RPH3A: variants seen among roughly 807,000 people sequenced by gnomAD.
The protein encoded by RPH3A is rabphilin-3A.
In RPH3A, 48 loss-of-function variants were observed where a neutral mutation model predicts 102.2. The observed-to-expected ratio is 0.47, with a 90% CI of 0.37 to 0.60. RPH3A has a LOEUF of 0.60. Among genes scored for constraint, RPH3A ranks in the 20% least tolerant of loss-of-function variants. The pLI, the probability that RPH3A is intolerant of heterozygous loss-of-function variation, is 0.00. For missense variants in RPH3A, 781 were observed against 910.1 expected (o/e 0.86, Z 1.83); for synonymous variants, 310 against 324.3 (o/e 0.96, Z 0.47).
intron 1 of RPH3A, among the ~76,000 whole-genome samples, chr12:112,697,554 A>G (rs993654586): frequency 6.6e-6 from 1 of 152,212 alleles, no homozygotes; most frequent in South Asian, 2.1e-4. Flanking sequence ...ATTGATTTAC[A>G]GGCTTAATCT....
chr12:112,727,900 T>C (rs1007131880), intron 1 of RPH3A, among the ~76,000 whole-genome samples: 1 of 152,188 alleles, frequency 6.6e-6, no homozygotes, highest in African/African-American at 2.4e-5. Context: ...TCTTTTCTCC[T>C]GGGATGACGA....
chr12:112,803,694 C>T (rs187232236), intron 2 of RPH3A, among the ~76,000 whole-genome samples: 2 of 152,044 alleles, frequency 1.3e-5, no homozygotes, highest in East Asian at 1.9e-4. Flanking sequence ...GAAATTGATT[C>T]TTTAGTCTTC....
intron 1 of RPH3A, among the ~76,000 whole-genome samples, chr12:112,617,540 A>T (rs2039689992): frequency 6.6e-6 from 1 of 152,186 alleles, no homozygotes; most frequent in Non-Finnish European, 1.5e-5. Context: ...CAGAGAGAAA[A>T]AGTGAACAGC....
chr12:112,867,832 C>T (rs1041289938), intron 7 of RPH3A, among the ~76,000 whole-genome samples: 1 of 152,240 alleles, frequency 6.6e-6, no homozygotes, highest in Non-Finnish European at 1.5e-5. Flanking sequence ...ATCCCTGGTG[C>T]TCTCCTTGAC....
chr12:112,809,583 TGGGCCAGCACCATGCCAG>T (rs2041532739), intron 2 of RPH3A, among the ~76,000 whole-genome samples: 1 of 152,204 alleles, frequency 6.6e-6, no homozygotes, highest in Non-Finnish European at 1.5e-5. Flanking sequence ...GCATTTGCTA[TGGGCCAGCACCATGCCAG>T]GAGCTCTGCA....
At chr12:112,894,286 G>T (rs2043145035) in intron 19 of RPH3A, 2 of 440,992 alleles carry the variant, frequency 4.5e-6, no homozygotes, top group Admixed American at 4.4e-5. Context: ...TTCAATCCCA[G>T]CTGTGTGAGC....
At chr12:112,868,219 T>C in intron 7 of RPH3A, 1 of 505,706 alleles carries the variant, frequency 2.0e-6, no homozygotes, top group Non-Finnish European at 3.4e-6. Context: ...ACTTTCTTCA[T>C]GGGTAAACTG....
At chr12:112,771,439 A>G (rs1346927203) in intron 1 of RPH3A, among the ~76,000 whole-genome samples, 4 of 152,234 alleles carry the variant, frequency 2.6e-5, no homozygotes, top group Non-Finnish European at 4.4e-5. Context: ...AAGATGTTCC[A>G]TAATTCATTT....
chr12:112,666,158 C>G (rs1313722092), intron 1 of RPH3A, among the ~76,000 whole-genome samples: 1 of 152,208 alleles, frequency 6.6e-6, no homozygotes, highest in Non-Finnish European at 1.5e-5. Context: ...TCAGCTGTGG[C>G]TGCAGCCACA....
At chr12:112,576,278 G>A (rs550902867) in intron 1 of RPH3A, among the ~76,000 whole-genome samples, 1 of 152,336 alleles carries the variant, frequency 6.6e-6, no homozygotes, top group South Asian at 2.1e-4. Context: ...GTCGCCAGGA[G>A]CGCTGCCAGG....
At chr12:112,602,236 A>C (rs921337904) in intron 1 of RPH3A, among the ~76,000 whole-genome samples, 3 of 152,124 alleles carry the variant, frequency 2.0e-5, no homozygotes, top group Admixed American at 1.3e-4. Flanking sequence ...CAAGTCCTTT[A>C]ACCTTCTTTA....
chr12:112,847,723 C>T lies in RPH3A; in HGVS notation c.111C>T (p.Pro37=), dbSNP rs142344302. Residue 37 remains proline (P), a synonymous_variant, in exon 5 of 22, where the codon CCC becomes CCT. Coordinates refer to ENST00000389385, the MANE Select transcript of RPH3A (RefSeq NM_001143854.2). ...EQLQAGWSVH[P]GGQPDRQRKQ... ...TCCAGGCAGGCTGGTCCGTCCACCC[C>T]GGTGGTCAGCCTGACAGGCAGAGGA... The T allele has an allele frequency of 9.8e-5, 158 of 1,614,096 alleles. No individual in the cohort carries two copies. Among genetic ancestry groups the T allele is most frequent in the Admixed American group, 1.7e-4 (10 of 60,026 alleles).
chr12:112,838,753 A>G (rs545942573), intron 4 of RPH3A, among the ~76,000 whole-genome samples: 42 of 152,330 alleles, frequency 2.8e-4, no homozygotes, highest in African/African-American at 1.0e-3. Context: ...CATGCAATGA[A>G]GAATCAAGGT....
chr12:112,642,087 T>C (rs764086958), intron 1 of RPH3A, among the ~76,000 whole-genome samples: 3 of 152,200 alleles, frequency 2.0e-5, no homozygotes, highest in Admixed American at 6.5e-5. Flanking sequence ...GCTGGAGATG[T>C]AGCAAAGAAC....
intron 8 of RPH3A, 142 bp downstream of exon 8, chr12:112,868,737 T>TATTGAGGA (rs1372756626): frequency 7.3e-6 from 6 of 826,966 alleles, no homozygotes; most frequent in Non-Finnish European, 1.1e-5. Flanking sequence ...AGGACTCCTA[T>TATTGAGGA]ATCTCCTTCA....
At chr12:112,809,824 C>T (rs1022771459) in intron 2 of RPH3A, among the ~76,000 whole-genome samples, 2 of 152,196 alleles carry the variant, frequency 1.3e-5, no homozygotes, top group Non-Finnish European at 2.9e-5. Context: ...AAGGTAATTA[C>T]TGAGGAGAGG....
At position 112,585,454 on chromosome 12, in the gene RPH3A, G is replaced by T. The variant is rs562838567; in HGVS notation, c.-140+10135G>T. On this transcript the variant is annotated intron_variant, in intron 1 of 21. Transcript: ENST00000543106. Reference sequence around the variant, plus strand: ...GAATCCCGTTTCTTGAAAAGGTTACGCTGGGCGCGGTGGCTCGCACCTGTA... The same window carrying T: ...GAATCCCGTTTCTTGAAAAGGTTACTCTGGGCGCGGTGGCTCGCACCTGTA... Among the ~76,000 whole-genome samples, 66 of 152,350 alleles carry T rather than the reference G, an allele frequency of 4.3e-4. 1 individual carries two copies. The highest frequency in any genetic ancestry group is 8.2e-4 in the Non-Finnish European group (56 of 68,038).
intron 1 of RPH3A, among the ~76,000 whole-genome samples, chr12:112,648,417 T>C (rs61942312): frequency 0.29 from 43,445 of 150,096 alleles, 6,777 homozygotes; most frequent in Admixed American, 0.34. Context: ...GTTGTTTCTG[T>C]AGGTGACATT....
chr12:112,683,299 G>A (rs2040239694), intron 1 of RPH3A, among the ~76,000 whole-genome samples: 1 of 152,158 alleles, frequency 6.6e-6, no homozygotes, highest in Non-Finnish European at 1.5e-5. Context: ...CTGTGATCTT[G>A]TTAATGGAAA....
Sources: gnomAD v4.1 joint callset for allele counts (sites outside exome capture counted in the v4.1 genomes callset) on GRCh38, gnomAD v4.1.1 for gene constraint, MANE v1.5 for transcripts, NCBI Gene and HGNC (gene_info 2026-07-23, HGNC 2026-07-21) for gene names.